The following LGALS8 variants were observed in gnomAD, a reference collection of about 807,000 sequenced individuals.
The protein encoded by LGALS8 is galectin-8.
LGALS8 carries 30 observed loss-of-function variants against 35.9 expected under a neutral mutation model. The ratio of observed to expected loss-of-function variants is 0.83; its 90% confidence interval spans 0.62 to 1.13. The LOEUF is 1.13. Ranked by LOEUF, LGALS8 falls within the 50% of genes most tolerant of loss-of-function variation. The pLI is 0.00. For missense variants in LGALS8, 366 were observed against 388.7 expected, an observed-to-expected ratio of 0.94 and a Z score of 0.49; for synonymous variants, 138 against 136.1, an observed-to-expected ratio of 1.01 and a Z score of -0.10.
chr1:236,546,744 C>T (rs1300157021), intron 9 of LGALS8, among the ~76,000 whole-genome samples: 1 of 152,222 alleles, frequency 6.6e-6, no homozygotes, highest in African/African-American at 2.4e-5. Context: ...CCCTCTGCTG[C>T]CAACTTGGTT....
intron 2 of LGALS8, among the ~76,000 whole-genome samples, chr1:236,537,191 A>C (rs1401215224): frequency 6.6e-6 from 1 of 151,244 alleles, no homozygotes; most frequent in African/African-American, 2.4e-5. Flanking sequence ...TAATTTTTGT[A>C]TTTTTAGTAG....
intron 8 of LGALS8, among the ~76,000 whole-genome samples, chr1:236,544,317 C>T (rs1662222737): frequency 1.3e-5 from 2 of 152,172 alleles, no homozygotes; most frequent in Admixed American, 1.3e-4. Context: ...ACAACTTTTT[C>T]CACAGACGTC....
In LGALS8 at chr1:236,550,764, A is replaced by C. The variant is rs6989; in HGVS notation, c.*2603A>C. On this transcript the variant is annotated 3_prime_UTR_variant, in exon 10 of 10. Transcript: ENST00000366584. ...CACAAGCCAGGTGGGGATTTTGTAA[A>C]GAAGTGATAAAACATTTGTAAGTAA... 0.64 allele frequency: 401,210 copies of C among 631,782 alleles called. 130,576 individuals carry two copies. Among genetic ancestry groups the C allele is most frequent in the Non-Finnish European group, 0.69 (257,018 of 373,406 alleles). The allele number at this position is 631,782 out of a possible 1,614,324, so 39.1% of individuals were successfully genotyped here. A position where few individuals can be genotyped will look rare whatever the true frequency, so the allele number is the denominator to read the frequency against.
In LGALS8 at chr1:236,551,106, T is replaced by C. The variant is rs1242571547; in HGVS notation, c.*2945T>C. ...TCCGGCAATCATTCAATCAAAAGAGTGAAATGAAGCACATTAACAAAGCAG... is the reference window on the plus strand; with the variant it reads ...TCCGGCAATCATTCAATCAAAAGAGCGAAATGAAGCACATTAACAAAGCAG... On this transcript the variant is annotated 3_prime_UTR_variant, in exon 10 of 10. Transcript: ENST00000366584. 5 of 800,662 alleles carry C rather than the reference T, an allele frequency of 6.2e-6. No homozygotes were observed. In the African/African-American group the frequency reaches 8.8e-5, roughly 14 times the overall value. The allele number at this position is 800,662 out of a possible 1,614,324, so 49.6% of individuals were successfully genotyped here.
At chr1:236,521,334 A>G (rs1294286245), upstream of LGALS8, among the ~76,000 whole-genome samples, 1 of 152,154 alleles carries the variant, frequency 6.6e-6, no homozygotes, top group East Asian at 1.9e-4. Flanking sequence ...TAGACTTGAA[A>G]AGGGAAAAGG....
rs761952006 is a variant in LGALS8 at position 236,537,464 on chromosome 1, G to A, written c.46-33G>A. On this transcript the variant is annotated intron_variant, in intron 2 of 9. Transcript: ENST00000366584. ...TTGCTTAGTAAGTAATTTTGTTTAT[G>A]TAAACGTACATTTGTTAAATTTTTT... 1.2e-5 allele frequency: 16 copies of A among 1,357,348 alleles called. No homozygotes were observed. In the African/African-American group the frequency reaches 1.8e-4, roughly 15 times the overall value. 84.1% of individuals were successfully genotyped at this position (1,357,348 alleles called of 1,614,324 possible).
chr1:236,542,979 A>G lies in LGALS8; in HGVS notation c.549+192A>G, dbSNP rs1166473400. 4 of 1,614,216 alleles carry G rather than the reference A, an allele frequency of 2.5e-6. No homozygotes were observed. In the Admixed American group the frequency reaches 6.7e-5, roughly 27 times the overall value. On this transcript the variant is annotated intron_variant, in intron 7 of 9. Coordinates refer to ENST00000366584, the MANE Select transcript of LGALS8 (RefSeq NM_201544.4). ...AGAACTGTCTACACCAAGAGCAAAGATTCGACTGTCAATCACACTTTGACT... is the reference window on the plus strand; with the variant it reads ...AGAACTGTCTACACCAAGAGCAAAGGTTCGACTGTCAATCACACTTTGACT...
At chr1:236,544,400 G>T (rs1323001551) in intron 8 of LGALS8, among the ~76,000 whole-genome samples, 2 of 152,214 alleles carry the variant, frequency 1.3e-5, no homozygotes, top group African/African-American at 4.8e-5. Context: ...AGGAACACGG[G>T]TAGATGATGA....
chr1:236,532,055 G>A (rs1661178346), intron 2 of LGALS8, among the ~76,000 whole-genome samples: 1 of 152,164 alleles, frequency 6.6e-6, no homozygotes, highest in Non-Finnish European at 1.5e-5. Flanking sequence ...AGTGCCTAGG[G>A]TTTTTACTGG....
At chr1:236,537,833 T>C (rs1029591561) in intron 3 of LGALS8, among the ~76,000 whole-genome samples, 2 of 151,740 alleles carry the variant, frequency 1.3e-5, no homozygotes, top group African/African-American at 4.8e-5. Flanking sequence ...TGTGGTGACT[T>C]AAACATACTT....
Position 236,533,909 on chromosome 1 carries a change from C to T in LGALS8, c.46-3588C>T, listed in dbSNP as rs116087020. ...TACCAATGCCACTGCTGTCTCTGAC[C>T]CCAGATGTAGCTCCCTCTGACCCTG... On this transcript the variant is annotated intron_variant, in intron 2 of 9. Coordinates refer to ENST00000366584, the MANE Select transcript of LGALS8 (RefSeq NM_201544.4). 4.5e-3 allele frequency among the ~76,000 whole-genome samples: 683 copies of T among 152,234 alleles called. 5 individuals carry two copies. Among genetic ancestry groups the T allele is most frequent in the African/African-American group, 0.015 (631 of 41,526 alleles).
chr1:236,527,006 A>C (rs1021887288), intron 2 of LGALS8, among the ~76,000 whole-genome samples: 5 of 152,200 alleles, frequency 3.3e-5, no homozygotes, highest in African/African-American at 1.2e-4. Context: ...AGTGGTAGTA[A>C]GTTTAAAAAA....
chr1:236,549,352 T>A lies in LGALS8; in HGVS notation c.*1191T>A, dbSNP rs1310420559. 3 of 181,464 alleles carry A rather than the reference T, an allele frequency of 1.7e-5. No homozygotes were observed. Among genetic ancestry groups the A allele is most frequent in the African/African-American group, 7.0e-5 (3 of 42,794 alleles). The allele number at this position is 181,464 out of a possible 1,614,324, so 11.2% of individuals were successfully genotyped here. A position where few individuals can be genotyped will look rare whatever the true frequency, so the allele number is the denominator to read the frequency against. On this transcript the variant is annotated 3_prime_UTR_variant, in exon 10 of 10. Transcript: ENST00000366584. The stretch of plus-strand genomic sequence containing the variant: ...ATATGGGATCTTTACAGGTCAGATC[T>A]TGTTACAGGAAATTTCAAAGGTTTG...
intron 2 of LGALS8, chr1:236,536,365 G>A (rs1232079214): frequency 6.6e-6 from 1 of 152,280 alleles, no homozygotes; most frequent in Non-Finnish European, 1.5e-5. Context: ...ACATAGCACA[G>A]GTCCCCAGCC....
intron 4 of LGALS8, among the ~76,000 whole-genome samples, chr1:236,539,656 T>C (rs1661829155): frequency 6.6e-6 from 1 of 152,202 alleles, no homozygotes; most frequent in Admixed American, 6.5e-5. Flanking sequence ...CCTGTGGAGC[T>C]TGCCCACAGT....
chr1:236,538,192 T>C (rs16833819), intron 3 of LGALS8, among the ~76,000 whole-genome samples: 91,800 of 150,468 alleles, frequency 0.61, 28,997 homozygotes, highest in Non-Finnish European at 0.69. Context: ...CCCACAGCAT[T>C]ACAGATCTAG....
At chr1:236,519,335 G>A (rs1236713834), upstream of LGALS8, among the ~76,000 whole-genome samples, 1 of 151,364 alleles carries the variant, frequency 6.6e-6, no homozygotes, top group Admixed American at 6.6e-5. Context: ...CTGCTGCAGT[G>A]AGCCATTATT....
intron 3 of LGALS8, among the ~76,000 whole-genome samples, chr1:236,538,168 T>G (rs1237500956): frequency 6.6e-6 from 1 of 151,672 alleles, no homozygotes; most frequent in African/African-American, 2.4e-5. Context: ...ACAGTCTAGT[T>G]TTAGTCTGAC....
intron 6 of LGALS8, among the ~76,000 whole-genome samples, chr1:236,542,130 A>G (rs924537044): frequency 3.5e-4 from 54 of 152,236 alleles, no homozygotes; most frequent in African/African-American, 9.9e-4. Context: ...CCTCACAGAC[A>G]GAACAGAATC....
Sources: allele counts gnomAD v4.1 joint callset (sites outside exome capture counted in the v4.1 genomes callset), GRCh38; gene constraint gnomAD v4.1.1; transcripts MANE v1.5; gene names NCBI Gene and HGNC (gene_info 2026-07-23, HGNC 2026-07-21).